Variants in MAML3 observed in about 807,000 individuals in gnomAD.
MAML3 encodes mastermind like transcriptional coactivator 3, also known as mastermind-like protein 3.
MAML3 carries 27 observed loss-of-function variants against 101.9 expected under a neutral mutation model. That is an observed-to-expected ratio of 0.27 (90% CI 0.20 to 0.37). MAML3 has a LOEUF of 0.37. MAML3 is among the 10% of genes least tolerant of loss of function. The pLI is 1.00. For synonymous variants in MAML3, 501 were observed against 555.9 expected (o/e 0.90, Z 1.39); for missense variants, 1,316 against 1,444.9 (o/e 0.91, Z 1.45).
In MAML3 at chr4:139,849,761, A is replaced by G. The variant is rs557953857; in HGVS notation, c.2079+39596T>C. On this transcript the variant is annotated intron_variant, in intron 2 of 4. Transcript: ENST00000509479. ...GATTTTAATTTGTCATGTTTGCTCT[A>G]TCCTATCAAAATATCCTTTTATGGT... is the stretch of plus-strand genomic sequence containing the variant. Among the ~76,000 whole-genome samples the G allele has an allele frequency of 3.9e-5, 6 of 152,342 alleles. No homozygotes were observed. The East Asian group carries it at 7.7e-4, about 20-fold the overall frequency.
intron 3 of MAML3, 83 bp from the exon 4 acceptor site, chr4:139,725,918 G>A: frequency 8.6e-7 from 1 of 1,167,570 alleles, no homozygotes; most frequent in Non-Finnish European, 1.3e-6. Context: ...TTCCGAGGAA[G>A]GTAGTGTTTT....
intron 1 of MAML3, among the ~76,000 whole-genome samples, chr4:140,007,460 G>A (rs548423385): frequency 3.3e-5 from 5 of 152,190 alleles, no homozygotes; most frequent in African/African-American, 4.8e-5. Context: ...AAGATGAGGC[G>A]AAAGGAGACG....
intron 2 of MAML3, among the ~76,000 whole-genome samples, chr4:139,767,151 T>A (rs1469681886): frequency 6.6e-6 from 1 of 152,174 alleles, no homozygotes; most frequent in Non-Finnish European, 1.5e-5. Context: ...CGGGTACAGG[T>A]AATTAATTCT....
intron 1 of MAML3, among the ~76,000 whole-genome samples, chr4:140,089,959 T>C (rs2110979823): frequency 6.6e-6 from 1 of 152,336 alleles, no homozygotes; most frequent in South Asian, 2.1e-4. Flanking sequence ...TTTGCCAAAA[T>C]TCACAGAAAG....
chr4:140,151,265 G>A (rs77121534), intron 1 of MAML3, among the ~76,000 whole-genome samples: 6,475 of 152,026 alleles, frequency 0.043, 432 homozygotes, highest in African/African-American at 0.15. Context: ...GCGGGACTGG[G>A]CAGGATCGCG....
rs1301217458 is a variant in MAML3 at position 139,718,441 on chromosome 4, C to T, written c.*882G>A. On this transcript the variant is annotated 3_prime_UTR_variant, in exon 5 of 5. Transcript: ENST00000509479. ...ATAAAGGCAGGGCTGGAGACAAAGG[C>T]TCCAGGCTGGCAGACACACAGGGTC... The T allele has an allele frequency of 6.6e-6, 1 of 152,284 alleles. No homozygotes were observed. The highest frequency in any genetic ancestry group is 1.5e-5 in the Non-Finnish European group (1 of 68,154). 9.4% of individuals were successfully genotyped at this position (152,284 alleles called of 1,614,324 possible). A position where few individuals can be genotyped will look rare whatever the true frequency, so the allele number is the denominator to read the frequency against.
At chr4:140,045,631 AT>A (rs1427598721) in intron 1 of MAML3, among the ~76,000 whole-genome samples, 3 of 152,208 alleles carry the variant, frequency 2.0e-5, no homozygotes, top group Admixed American at 1.3e-4. Flanking sequence ...ACTATAAAAA[AT>A]AACTCAGCTA....
At chr4:139,981,226 T>A (rs1195028488) in intron 1 of MAML3, among the ~76,000 whole-genome samples, 1 of 152,228 alleles carries the variant, frequency 6.6e-6, no homozygotes, top group Non-Finnish European at 1.5e-5. Flanking sequence ...GCCATCTCTC[T>A]GTGCACAGAC....
chr4:139,915,081 A>T (rs1733001802), intron 1 of MAML3, among the ~76,000 whole-genome samples: 1 of 152,226 alleles, frequency 6.6e-6, no homozygotes, highest in East Asian at 1.9e-4. Context: ...ATTTACTGAA[A>T]ATAGGCATTC....
intron 1 of MAML3, among the ~76,000 whole-genome samples, chr4:140,043,167 C>T (rs1184435049): frequency 6.6e-6 from 1 of 152,088 alleles, no homozygotes; most frequent in East Asian, 1.9e-4. Flanking sequence ...GAATGTATCT[C>T]TCCCTTTCCC....
At chr4:139,739,817 T>C (rs1261837806) in intron 2 of MAML3, among the ~76,000 whole-genome samples, 1 of 151,630 alleles carries the variant, frequency 6.6e-6, no homozygotes, top group Non-Finnish European at 1.5e-5. Flanking sequence ...TTATACTTTT[T>C]CAAATTTTAT....
chr4:139,770,645 C>T (rs1729957109), intron 2 of MAML3, among the ~76,000 whole-genome samples: 1 of 152,130 alleles, frequency 6.6e-6, no homozygotes, highest in African/African-American at 2.4e-5. Context: ...TCTGACCCTG[C>T]TTTTTTGGGA....
chr4:139,745,955 T>G (rs572796572), intron 2 of MAML3, among the ~76,000 whole-genome samples: 9 of 152,350 alleles, frequency 5.9e-5, no homozygotes, highest in African/African-American at 2.2e-4. Context: ...TTCCTTAACT[T>G]GTTTCTCCAA....
intron 2 of MAML3, chr4:139,888,700 A>G (rs1553962417): frequency 3.9e-6 from 2 of 517,156 alleles, no homozygotes; most frequent in South Asian, 2.8e-5. Flanking sequence ...TCACCATCAC[A>G]TTTTCCTGAA....
intron 1 of MAML3, among the ~76,000 whole-genome samples, chr4:140,112,134 A>G (rs1025207184): frequency 6.6e-6 from 1 of 152,028 alleles, no homozygotes; most frequent in African/African-American, 2.4e-5. Flanking sequence ...ATCAATTTCT[A>G]TATCAGTATG....
At position 139,890,074 on chromosome 4, in the gene MAML3, A is replaced by G. The variant is rs1342214168; in HGVS notation, c.1362T>C (p.Pro454=). Residue 454 remains proline (P), a synonymous_variant, in exon 2 of 5, where the codon CCT becomes CCC. Coordinates refer to ENST00000509479, the MANE Select transcript of MAML3 (RefSeq NM_018717.5). This position sits in a 1 kb window ranked among gnomAD's most constrained non-coding sequence, Gnocchi z 4.1. The stretch of plus-strand genomic sequence containing the variant: ...ACATGTCAGAGCTGGGCACAGCCAC[A>G]GGCCCTGACGCTGAACCGGCCACTG... ...AVTVAGSASG[P]VAVPSSDMSP... is the part of the protein sequence containing the mutation. 6.2e-7 allele frequency: 1 copy of G among 1,611,568 alleles called. No individual in the cohort carries two copies. Among genetic ancestry groups the G allele is most frequent in the Admixed American group, 1.7e-5 (1 of 59,186 alleles).
chr4:140,049,228 C>T (rs192594853), intron 1 of MAML3, among the ~76,000 whole-genome samples: 2 of 152,318 alleles, frequency 1.3e-5, no homozygotes, highest in African/African-American at 2.4e-5. Context: ...TTTCTTCCCT[C>T]TTCCTCCTAC....
intron 1 of MAML3, among the ~76,000 whole-genome samples, chr4:140,041,548 G>T (rs1727086895): frequency 6.6e-6 from 1 of 152,152 alleles, no homozygotes; most frequent in Non-Finnish European, 1.5e-5. Flanking sequence ...TTGAAGCTGG[G>T]AGGCAGAGGT....
chr4:140,150,823 G>C (rs1729147088), intron 1 of MAML3, among the ~76,000 whole-genome samples: 1 of 152,184 alleles, frequency 6.6e-6, no homozygotes, highest in African/African-American at 2.4e-5. Context: ...ATGCGGGACC[G>C]GCCCCGCCTC....
Sources: gnomAD v4.1 joint callset for allele counts (sites outside exome capture counted in the v4.1 genomes callset) on GRCh38, gnomAD v4.1.1 for gene constraint, Gnocchi (gnomAD v3.1) non-coding constraint, MANE v1.5 for transcripts, NCBI Gene and HGNC (gene_info 2026-07-23, HGNC 2026-07-21) for gene names.